FRMPD4: variants seen among roughly 807,000 people sequenced by gnomAD.
FRMPD4 encodes the protein FERM and PDZ domain containing 4.
Under a neutral mutation model 94.1 loss-of-function variants are expected in FRMPD4, and 22 were observed. That is an observed-to-expected ratio of 0.23 (90% CI 0.17 to 0.33). The LOEUF (loss-of-function observed/expected upper bound fraction) is 0.33, where lower values mean the gene tolerates loss of function less well. Among genes scored for constraint, FRMPD4 ranks in the 10% least tolerant of loss-of-function variants. The pLI, the probability that FRMPD4 is intolerant of heterozygous loss-of-function variation, is 1.00. For missense variants in FRMPD4, 1,111 were observed against 1,339.9 expected (o/e 0.83, Z 2.67); for synonymous variants, 631 against 548.6 (o/e 1.15, Z -2.10).
At chrX:12,587,465 A>G (rs2058941524) in intron 2 of FRMPD4, among the ~76,000 whole-genome samples, 1 of 110,751 alleles carries the variant, frequency 9.0e-6, no homozygotes, top group South Asian at 3.8e-4. Flanking sequence ...CCTAGCAACC[A>G]CTAATCTGCT....
chrX:12,601,741 T>G (rs1158476047), intron 2 of FRMPD4, among the ~76,000 whole-genome samples: 1 of 111,770 alleles, frequency 8.9e-6, no homozygotes, highest in Non-Finnish European at 1.9e-5. Flanking sequence ...TCAACCCACA[T>G]TACGTGCTCC....
chrX:12,225,889 T>G (rs777892494), intron 1 of FRMPD4, among the ~76,000 whole-genome samples: 32 of 111,987 alleles, frequency 2.9e-4, no homozygotes, highest in African/African-American at 9.7e-4. Context: ...TAAACATGCT[T>G]GAGCCCAGGT....
intron 2 of FRMPD4, among the ~76,000 whole-genome samples, chrX:12,568,794 G>A (rs2058735967): frequency 8.9e-6 from 1 of 111,939 alleles, no homozygotes; most frequent in Non-Finnish European, 1.9e-5. Flanking sequence ...TTGATTTCTA[G>A]TCTGTGACTC....
intron 1 of FRMPD4, among the ~76,000 whole-genome samples, chrX:12,407,499 C>T (rs188919595): frequency 8.9e-6 from 1 of 111,837 alleles, no homozygotes; most frequent in East Asian, 2.8e-4. Context: ...CCAATAACAC[C>T]TCCCTAGTAG....
chrX:12,148,218 G>T (rs955543214), intron 1 of FRMPD4, among the ~76,000 whole-genome samples: 2 of 112,307 alleles, frequency 1.8e-5, no homozygotes, highest in Admixed American at 9.4e-5. Flanking sequence ...GTGCCAAACA[G>T]TTCGCCAAAC....
chrX:12,696,807 T>C (rs1280288254), intron 9 of FRMPD4, among the ~76,000 whole-genome samples: 1 of 111,236 alleles, frequency 9.0e-6, no homozygotes, highest in Non-Finnish European at 1.9e-5. Context: ...AAAAGCTGGG[T>C]AGAAAAAAAA....
chrX:12,521,056 A>G (rs2148270286), intron 2 of FRMPD4, among the ~76,000 whole-genome samples: 1 of 112,403 alleles, frequency 8.9e-6, no homozygotes, highest in Admixed American at 9.4e-5. Context: ...ATGAATGAGC[A>G]TGGCTGTGCT....
chrX:12,213,911 A>G (rs1419687433), intron 1 of FRMPD4, among the ~76,000 whole-genome samples: 2 of 112,354 alleles, frequency 1.8e-5, no homozygotes, highest in African/African-American at 3.2e-5. Flanking sequence ...ATTGAAGATT[A>G]CATTTATCTT....
At chrX:12,160,308 A>C (rs2147617229) in intron 1 of FRMPD4, among the ~76,000 whole-genome samples, 1 of 111,837 alleles carries the variant, frequency 8.9e-6, no homozygotes, top group African/African-American at 3.2e-5. Context: ...CCATACCTGG[A>C]TAGTGCAAGT....
chrX:12,072,046 A>T (rs2054973391), intron 3 of FRMPD4, among the ~76,000 whole-genome samples: 1 of 111,110 alleles, frequency 9.0e-6, no homozygotes, highest in Non-Finnish European at 1.9e-5. Context: ...GCTGGCATAC[A>T]GTGGTGCAAT....
intron 1 of FRMPD4, among the ~76,000 whole-genome samples, chrX:12,433,834 C>T (rs1601938898): frequency 9.0e-6 from 1 of 111,514 alleles, no homozygotes; most frequent in East Asian, 2.8e-4. Context: ...GTTAGTTAGC[C>T]TGAAAAAAAA....
intron 1 of FRMPD4, among the ~76,000 whole-genome samples, chrX:12,472,763 A>G (rs2057530498): frequency 1.8e-5 from 2 of 111,798 alleles, no homozygotes; most frequent in Admixed American, 9.5e-5. Context: ...AGTTTAGAGA[A>G]AAAAGAATAA....
intron 2 of FRMPD4, among the ~76,000 whole-genome samples, chrX:12,523,106 A>T (rs2058182733): frequency 8.9e-6 from 1 of 111,904 alleles, no homozygotes; most frequent in African/African-American, 3.3e-5. Flanking sequence ...AAAATTTAGG[A>T]CTGCCAAATG....
chrX:12,531,851 T>C (rs1287527041), intron 2 of FRMPD4, among the ~76,000 whole-genome samples: 2 of 111,723 alleles, frequency 1.8e-5, no homozygotes, highest in Non-Finnish European at 3.8e-5. Context: ...TCCAGATCCC[T>C]AATGAAGCTG....
intron 1 of FRMPD4, among the ~76,000 whole-genome samples, chrX:12,399,366 G>T (rs990789469): frequency 9.0e-6 from 1 of 111,516 alleles, no homozygotes; most frequent in African/African-American, 3.3e-5. Flanking sequence ...TGTGGGTGTG[G>T]ATATAGAGAT....
chrX:12,080,216 T>C (rs1330790176), intron 3 of FRMPD4, among the ~76,000 whole-genome samples: 1 of 112,601 alleles, frequency 8.9e-6, no homozygotes, highest in African/African-American at 3.2e-5. Context: ...ATAGATTCAC[T>C]ATTTCTAAGT....
At chrX:12,508,100 T>C (rs888525980) in intron 2 of FRMPD4, among the ~76,000 whole-genome samples, 2 of 112,553 alleles carry the variant, frequency 1.8e-5, no homozygotes, top group Admixed American at 1.9e-4. Flanking sequence ...AAAAAGTTAA[T>C]TGTCCATAGT....
chrX:12,548,872 T>A (rs1173935498), intron 2 of FRMPD4, among the ~76,000 whole-genome samples: 1 of 111,467 alleles, frequency 9.0e-6, no homozygotes, highest in Admixed American at 9.6e-5. Flanking sequence ...AAATCTAGGC[T>A]GGTGAAGGAA....
rs746601138 is a variant in FRMPD4 at position 12,706,923 on chromosome X, C to CTTTTTTTTTT, written c.1287+17_1287+26dup. 2.0e-5 allele frequency: 12 copies of CTTTTTTTTTT among 609,258 alleles called. No homozygotes were observed. The highest frequency in any genetic ancestry group is 3.7e-5 in the East Asian group (1 of 27,192). The allele number at this position is 609,258 out of a possible 1,213,427, so 50.2% of individuals were successfully genotyped here. On this transcript the variant is annotated intron_variant, in intron 12 of 16. Coordinates refer to ENST00000675598, the MANE Select transcript of FRMPD4 (RefSeq NM_001368397.1). ...TTCAAGGCAACATTAGTGGTAATTTCTTTTTTTTTTTTTTTTTTGCTTTCT... is the reference window on the plus strand; with the variant it reads ...TTCAAGGCAACATTAGTGGTAATTTCTTTTTTTTTTTTTTTTTTTTTTTTTTTTGCTTTCT...
Sources: allele counts gnomAD v4.1 joint callset (sites outside exome capture counted in the v4.1 genomes callset), GRCh38; gene constraint gnomAD v4.1.1; transcripts MANE v1.5; gene names NCBI Gene and HGNC (gene_info 2026-07-23, HGNC 2026-07-21).